TMEM117: variants seen among roughly 807,000 people sequenced by gnomAD.
TMEM117 encodes transmembrane protein 117.
TMEM117 carries 27 observed loss-of-function variants against 52.4 expected under a neutral mutation model. That is an observed-to-expected ratio of 0.51 (90% CI 0.38 to 0.71). The LOEUF is 0.71. TMEM117 is among the 30% of genes least tolerant of loss of function. The pLI is 0.00. For missense variants in TMEM117, 556 were observed against 630.5 expected, an observed-to-expected ratio of 0.88 and a Z score of 1.26; for synonymous variants, 215 against 206.3, an observed-to-expected ratio of 1.04 and a Z score of -0.36.
At chr12:44,210,894 G>A (rs531924090) in intron 4 of TMEM117, among the ~76,000 whole-genome samples, 2 of 151,998 alleles carry the variant, frequency 1.3e-5, no homozygotes, top group Non-Finnish European at 2.9e-5. Flanking sequence ...GAAAAGAGAA[G>A]ATAATATTTT....
At chr12:44,237,151 G>C (rs1417521522) in intron 5 of TMEM117, among the ~76,000 whole-genome samples, 2 of 151,854 alleles carry the variant, frequency 1.3e-5, no homozygotes, top group Non-Finnish European at 2.9e-5. Context: ...TTCAGCAAGG[G>C]GTTTGATCTG....
intron 3 of TMEM117, among the ~76,000 whole-genome samples, chr12:43,959,265 T>G (rs371909965): frequency 6.6e-6 from 1 of 152,354 alleles, no homozygotes. Context: ...GGCCTTAGCC[T>G]CTGGAGCTCT....
intron 4 of TMEM117, among the ~76,000 whole-genome samples, chr12:44,165,536 A>G (rs1948954542): frequency 6.6e-6 from 1 of 152,208 alleles, no homozygotes; most frequent in African/African-American, 2.4e-5. Flanking sequence ...ATGGAAAAAG[A>G]TACTCCACAC....
intron 3 of TMEM117, among the ~76,000 whole-genome samples, chr12:44,054,701 A>AT (rs576887343): frequency 0.014 from 1,766 of 130,362 alleles, 26 homozygotes; most frequent in African/African-American, 0.046. Context: ...CAATAGGATT[A>AT]TTTTTTTTTC....
At chr12:44,235,858 A>G (rs1949989209) in intron 5 of TMEM117, among the ~76,000 whole-genome samples, 1 of 151,902 alleles carries the variant, frequency 6.6e-6, no homozygotes, top group South Asian at 2.1e-4. Context: ...ATCTTGAAGA[A>G]TATTTTGCTG....
At position 44,094,435 on chromosome 12, in the gene TMEM117, A is replaced by G. The variant is rs554522496; in HGVS notation, c.411-49090A>G. ...TACCCAGGAGCTTGCATTTATTAAT[A>G]GTAATGGTTCCTAAATTTTTATTTT... On this transcript the variant is annotated intron_variant, in intron 3 of 7. Transcript: ENST00000266534. Among the ~76,000 whole-genome samples, 6 of 152,246 alleles carry G rather than the reference A, an allele frequency of 3.9e-5. No individual in the cohort carries two copies. The South Asian group carries it at 8.3e-4, about 21-fold the overall frequency.
intron 3 of TMEM117, among the ~76,000 whole-genome samples, chr12:44,072,905 C>T (rs1243243364): frequency 4.6e-5 from 7 of 152,154 alleles, no homozygotes; most frequent in Non-Finnish European, 1.0e-4. Flanking sequence ...TCCTGGCCAA[C>T]ATGGTGAAAC....
At chr12:43,972,661 A>C (rs1480443975) in intron 3 of TMEM117, among the ~76,000 whole-genome samples, 1 of 152,160 alleles carries the variant, frequency 6.6e-6, no homozygotes, top group African/African-American at 2.4e-5. Context: ...CTAGGTAGCC[A>C]CAGAGTGCTG....
chr12:43,816,458 C>T, the TMEM117 span, among the ~76,000 whole-genome samples: 8 of 152,140 alleles, frequency 5.3e-5, no homozygotes, highest in Non-Finnish European at 1.0e-4. Context: ...CTTTACTCAC[C>T]TTCTGTCCAC....
chr12:43,868,798 C>A (rs1032537371), intron 2 of TMEM117, among the ~76,000 whole-genome samples: 1 of 151,252 alleles, frequency 6.6e-6, no homozygotes, highest in Non-Finnish European at 1.5e-5. Flanking sequence ...GGGAAAAGAA[C>A]AAATTGAATC....
intron 5 of TMEM117, among the ~76,000 whole-genome samples, chr12:44,288,935 T>C (rs900212213): frequency 6.6e-6 from 1 of 152,164 alleles, no homozygotes; most frequent in Non-Finnish European, 1.5e-5. Flanking sequence ...TTATTAATTA[T>C]AGTCACCATG....
chr12:44,235,923 T>C (rs1949990178), intron 5 of TMEM117, among the ~76,000 whole-genome samples: 1 of 151,846 alleles, frequency 6.6e-6, no homozygotes, highest in Non-Finnish European at 1.5e-5. Flanking sequence ...TGAATATACA[T>C]TTCAAAGACA....
At chr12:44,311,664 G>GT (rs1950976865) in intron 6 of TMEM117, among the ~76,000 whole-genome samples, 1 of 149,690 alleles carries the variant, frequency 6.7e-6, no homozygotes, top group Admixed American at 6.7e-5. Flanking sequence ...TATACATAAT[G>GT]TTACATCTTA....
intron 2 of TMEM117, among the ~76,000 whole-genome samples, chr12:43,868,423 G>T (rs966453949): frequency 1.3e-5 from 2 of 151,782 alleles, no homozygotes; most frequent in Non-Finnish European, 1.5e-5. Context: ...ATGGTGGCCC[G>T]TGCCTGTAGT....
chr12:43,963,721 T>A (rs1945441292), intron 3 of TMEM117, among the ~76,000 whole-genome samples: 1 of 152,222 alleles, frequency 6.6e-6, no homozygotes, highest in Admixed American at 6.5e-5. Context: ...AAGGTTGGCA[T>A]GATTGGAGAT....
At chr12:43,916,056 A>T (rs1003655353) in intron 2 of TMEM117, among the ~76,000 whole-genome samples, 2 of 152,114 alleles carry the variant, frequency 1.3e-5, no homozygotes, top group African/African-American at 4.8e-5. Context: ...GGATAAATTC[A>T]TAGTCACTAC....
chr12:44,050,635 AT>A (rs1182152370), intron 3 of TMEM117, among the ~76,000 whole-genome samples: 1 of 152,204 alleles, frequency 6.6e-6, no homozygotes, highest in Non-Finnish European at 1.5e-5. Context: ...AAAATCTAAC[AT>A]TGATGAAACA....
At position 43,944,272 on chromosome 12, in the gene TMEM117, A is replaced by G. The variant is rs756326354; in HGVS notation, c.340A>G (p.Ser114Gly). The change falls in exon 3 of 8, where the codon AGC (serine) becomes GGC (glycine). Residue 114 changes from serine (S) to glycine (G), a missense_variant. Physicochemically the swap from Ser to Gly is moderately conservative, Grantham distance 56. Coordinates refer to ENST00000266534, the MANE Select transcript of TMEM117 (RefSeq NM_032256.3). Reference sequence around the variant, plus strand: ...TGGGTCGTGGATGACAATGTTCTTCAGCACAATTCTCTTTCTCTTCATATT... The same window carrying G: ...TGGGTCGTGGATGACAATGTTCTTCGGCACAATTCTCTTTCTCTTCATATT... Reference protein sequence around the residue: ...DHGSWMTMFFSTILFLFIFSH... With the variant: ...DHGSWMTMFFGTILFLFIFSH... 6.2e-7 allele frequency: 1 copy of G among 1,613,374 alleles called. No homozygotes were observed. The highest frequency in any genetic ancestry group is 1.1e-5 in the South Asian group (1 of 91,056).
chr12:44,097,101 A>T (rs1270930535), intron 3 of TMEM117, among the ~76,000 whole-genome samples: 5 of 152,206 alleles, frequency 3.3e-5, no homozygotes, highest in Non-Finnish European at 2.9e-5. Context: ...GCAGCCAAAA[A>T]ACACATGAAA....
Sources: gnomAD v4.1 joint callset for allele counts (sites outside exome capture counted in the v4.1 genomes callset) on GRCh38, gnomAD v4.1.1 for gene constraint, MANE v1.5 for transcripts, NCBI Gene and HGNC (gene_info 2026-07-23, HGNC 2026-07-21) for gene names.